DLC1: variants seen among roughly 807,000 people sequenced by gnomAD.
The protein encoded by DLC1 is DLC1 Rho GTPase activating protein, also known as rho GTPase-activating protein 7.
In DLC1, 54 loss-of-function variants were observed where a neutral mutation model predicts 140.3. The observed-to-expected ratio is 0.38, with a 90% CI of 0.31 to 0.48. DLC1 has a LOEUF of 0.48. Among genes scored for constraint, DLC1 ranks in the 20% least tolerant of loss-of-function variants. The probability of loss-of-function intolerance (pLI) is 0.96; values close to 1 mark genes in which losing one functional copy is unlikely to be tolerated. For missense variants in DLC1, 2,536 were observed against 1,907.0 expected (o/e 1.33, Z -6.14); for synonymous variants, 986 against 728.1 (o/e 1.35, Z -5.70).
intron 4 of DLC1, among the ~76,000 whole-genome samples, chr8:13,342,987 C>T (rs574816621): frequency 1.0e-3 from 154 of 152,232 alleles, no homozygotes; most frequent in African/African-American, 3.7e-3. Flanking sequence ...GTGAACCAAA[C>T]AGTAATTTCT....
Position 13,412,111 on chromosome 8 carries a change from G to A in DLC1, c.1024-10492C>T, listed in dbSNP as rs1837806493. The stretch of plus-strand genomic sequence containing the variant: ...GATCATATGTACGACAATGAATGAA[G>A]CAGTTATAAAAAGACAACCTAATAA... On this transcript the variant is annotated intron_variant, in intron 2 of 17. Transcript: ENST00000276297. Among the ~76,000 whole-genome samples the A allele has an allele frequency of 2.0e-5, 3 of 152,132 alleles. No individual in the cohort carries two copies. The South Asian group carries it at 6.2e-4, about 32-fold the overall frequency.
At chr8:13,356,160 G>C (rs972617058) in intron 4 of DLC1, among the ~76,000 whole-genome samples, 1 of 151,424 alleles carries the variant, frequency 6.6e-6, no homozygotes, top group Non-Finnish European at 1.5e-5. Flanking sequence ...TGATGCAGGG[G>C]AGTTTAATTC....
intron 2 of DLC1, among the ~76,000 whole-genome samples, chr8:13,491,230 ACT>A (rs1293128950): frequency 6.6e-6 from 1 of 151,568 alleles, no homozygotes; most frequent in African/African-American, 2.4e-5. Flanking sequence ...AGCATTTGAC[ACT>A]CTCTAAACAA....
chr8:13,410,646 C>T (rs1332903737), intron 2 of DLC1, among the ~76,000 whole-genome samples: 3 of 139,326 alleles, frequency 2.2e-5, no homozygotes, highest in Non-Finnish European at 4.8e-5. Flanking sequence ...ATGAGCAAGA[C>T]CATTATAAAA....
intron 5 of DLC1, among the ~76,000 whole-genome samples, chr8:13,250,897 G>A (rs890528593): frequency 6.6e-6 from 1 of 151,912 alleles, no homozygotes; most frequent in African/African-American, 2.4e-5. Context: ...TAGAATAATG[G>A]ATAAGGCTTT....
intron 5 of DLC1, among the ~76,000 whole-genome samples, chr8:13,143,249 C>T (rs1823148423): frequency 6.6e-6 from 1 of 151,912 alleles, no homozygotes; most frequent in Non-Finnish European, 1.5e-5. Context: ...TAAATCTCAG[C>T]AAATTTCAAA....
At chr8:13,352,076 C>G (rs1010409270) in intron 4 of DLC1, among the ~76,000 whole-genome samples, 2 of 152,298 alleles carry the variant, frequency 1.3e-5, no homozygotes, top group African/African-American at 4.8e-5. Flanking sequence ...TGTTTACATT[C>G]ATTTATTTTT....
chr8:13,203,975 A>C (rs1022250488), intron 5 of DLC1, among the ~76,000 whole-genome samples: 17 of 152,128 alleles, frequency 1.1e-4, no homozygotes, highest in African/African-American at 3.6e-4. Context: ...CAGACTTCAT[A>C]GCATTAGTAA....
intron 4 of DLC1, among the ~76,000 whole-genome samples, chr8:13,337,647 A>C (rs1024890856): frequency 3.3e-5 from 5 of 152,166 alleles, no homozygotes; most frequent in Admixed American, 2.6e-4. Context: ...ACTTATAAGA[A>C]ATCTAAATTT....
intron 1 of DLC1, among the ~76,000 whole-genome samples, chr8:13,580,905 G>T (rs1448998890): frequency 6.6e-6 from 1 of 152,152 alleles, no homozygotes; most frequent in Non-Finnish European, 1.5e-5. Context: ...AGGGGGTGAG[G>T]ATGGGTGAGG....
chr8:13,402,977 T>G (rs1837364834), intron 2 of DLC1, among the ~76,000 whole-genome samples: 1 of 152,182 alleles, frequency 6.6e-6, no homozygotes. Context: ...TCAGATTAAA[T>G]TTTTCAGACA....
chr8:13,580,645 C>T (rs565172357), intron 1 of DLC1, among the ~76,000 whole-genome samples: 1 of 152,298 alleles, frequency 6.6e-6, no homozygotes, highest in African/African-American at 2.4e-5. Flanking sequence ...ACGATTGATG[C>T]ATATGGAAGA....
chr8:13,257,948 C>T (rs993642739), intron 5 of DLC1, among the ~76,000 whole-genome samples: 9 of 152,122 alleles, frequency 5.9e-5, no homozygotes, highest in African/African-American at 9.7e-5. Flanking sequence ...AAATTATAAG[C>T]GGGAAGTCAT....
intron 4 of DLC1, among the ~76,000 whole-genome samples, chr8:13,325,826 G>A (rs1292872998): frequency 1.3e-5 from 2 of 152,136 alleles, no homozygotes; most frequent in Admixed American, 6.5e-5. Context: ...ATTAAAGTAA[G>A]AAAATAGCTT....
chr8:13,302,944 A>T (rs1832262022), intron 5 of DLC1, among the ~76,000 whole-genome samples: 2 of 152,196 alleles, frequency 1.3e-5, no homozygotes, highest in African/African-American at 4.8e-5. Context: ...GAAATACAAG[A>T]ATTAGATTGC....
At chr8:13,403,104 A>G (rs1837371473) in intron 2 of DLC1, among the ~76,000 whole-genome samples, 1 of 152,252 alleles carries the variant, frequency 6.6e-6, no homozygotes, top group Admixed American at 6.5e-5. Context: ...ATTAATTTTG[A>G]GAATACGTTA....
chr8:13,343,752 C>G (rs1044607758), intron 4 of DLC1, among the ~76,000 whole-genome samples: 11 of 152,178 alleles, frequency 7.2e-5, no homozygotes, highest in Non-Finnish European at 8.8e-5. Context: ...AGTCAGCACT[C>G]TAAAAGCCTA....
chr8:13,291,153 C>T (rs915425038), intron 5 of DLC1, among the ~76,000 whole-genome samples: 1 of 152,204 alleles, frequency 6.6e-6, no homozygotes. Flanking sequence ...AAGTGATCTG[C>T]CCGCCTCAGC....
rs71207167 is a variant in DLC1 at position 13,580,121 on chromosome 8, A to ATTTTATTTT, written c.-126+24415_-126+24416insAAAATAAAA. Among the ~76,000 whole-genome samples the ATTTTATTTT allele has an allele frequency of 5.7e-4, 86 of 150,586 alleles. 2 individuals carry two copies. Among genetic ancestry groups the ATTTTATTTT allele is most frequent in the South Asian group, 4.6e-3 (22 of 4,736 alleles). On this transcript the variant is annotated intron_variant, in intron 1 of 1. Coordinates refer to the DLC1 transcript ENST00000631382. ...TCAGCTTCTAATTTAAGTTGGTTACATTTATTTTTTTATTTTTTTGAGACA... is the reference window on the plus strand; with the variant it reads ...TCAGCTTCTAATTTAAGTTGGTTACATTTTATTTTTTTATTTTTTTATTTTTTTGAGACA...
Sources: allele counts gnomAD v4.1 joint callset (sites outside exome capture counted in the v4.1 genomes callset), GRCh38; gene constraint gnomAD v4.1.1; transcripts MANE v1.5; gene names NCBI Gene and HGNC (gene_info 2026-07-23, HGNC 2026-07-21).